ACTR2: variants seen among roughly 807,000 people sequenced by gnomAD.
ACTR2 encodes actin-related protein 2.
ACTR2 carries 5 observed loss-of-function variants against 50.2 expected under a neutral mutation model. The observed-to-expected ratio is 0.10, with a 90% CI of 0.05 to 0.21. ACTR2 has a LOEUF of 0.21. Ranked by LOEUF, ACTR2 falls within the 10% of genes least tolerant of loss-of-function variation. The pLI is 1.00. For missense variants in ACTR2, 180 were observed against 480.6 expected (o/e 0.37, Z 5.85); for synonymous variants, 140 against 162.9 (o/e 0.86, Z 1.07).
At chr2:65,251,601 T>G (rs1291351928) in intron 4 of ACTR2, among the ~76,000 whole-genome samples, 1 of 152,132 alleles carries the variant, frequency 6.6e-6, no homozygotes, top group East Asian at 1.9e-4. Context: ...CCTCAGGTAG[T>G]CCGCCCGCCT....
chr2:65,228,865 G>A (rs1000383291), intron 1 of ACTR2, among the ~76,000 whole-genome samples: 9 of 152,122 alleles, frequency 5.9e-5, no homozygotes, highest in African/African-American at 2.2e-4. Flanking sequence ...GATCACCAGA[G>A]GTTAGGAGTT....
rs116492983 is a variant in ACTR2, at chr2:65,263,047, T to A, written c.881+1655T>A. ...CATATTTTTATATGTTTAAGGGACT[T>A]GTTTGTTTGTTTGAGATAGAGTCTC... On this transcript the variant is annotated intron_variant, in intron 7 of 8. Coordinates refer to ENST00000260641, the MANE Select transcript of ACTR2 (RefSeq NM_005722.4). Among the ~76,000 whole-genome samples the A allele has an allele frequency of 5.1e-3, 770 of 149,958 alleles. 9 individuals are homozygous for A. Among genetic ancestry groups the A allele is most frequent in the African/African-American group, 0.018 (738 of 40,464 alleles).
intron 2 of ACTR2, among the ~76,000 whole-genome samples, chr2:65,244,578 C>T (rs998637201): frequency 1.3e-5 from 2 of 152,180 alleles, no homozygotes; most frequent in African/African-American, 4.8e-5. Context: ...ATACTTCTCC[C>T]TGAATACTTC....
intron 7 of ACTR2, 84 bp downstream of exon 7, chr2:65,261,476 A>G: frequency 8.1e-7 from 1 of 1,230,408 alleles, no homozygotes; most frequent in Non-Finnish European, 1.1e-6. Context: ...AAATAGATGG[A>G]ATTAAATAGA....
chr2:65,246,538 T>G lies in ACTR2; in HGVS notation c.174T>G (p.Gly58=). Residue 58 remains glycine, a synonymous_variant, in exon 3 of 9, where the codon GGT becomes GGG. Transcript: ENST00000260641. ...GNIEIKDLMV[G]DEASELRSML... ...TAATTTTCTAGGATCTTATGGTTGGTGATGAGGCAAGTGAATTACGATCAA... is the reference window on the plus strand; with the variant it reads ...TAATTTTCTAGGATCTTATGGTTGGGGATGAGGCAAGTGAATTACGATCAA... 1 of 1,604,706 alleles carries G rather than the reference T, an allele frequency of 6.2e-7. No individual in the cohort carries two copies. The highest frequency in any genetic ancestry group is 8.5e-7 in the Non-Finnish European group (1 of 1,176,486).
chr2:65,230,403 ATTTTT>A (rs11299935), intron 1 of ACTR2, among the ~76,000 whole-genome samples: 1 of 78,172 alleles, frequency 1.3e-5, no homozygotes, highest in South Asian at 4.1e-4. Context: ...ACCGAAGCTG[ATTTTT>A]TTTTTTTTTT....
chr2:65,262,348 G>C (rs1412220612), intron 7 of ACTR2, among the ~76,000 whole-genome samples: 2 of 151,614 alleles, frequency 1.3e-5, no homozygotes, highest in Admixed American at 6.6e-5. Context: ...TCCTGCCTCA[G>C]CCTCCCAAGT....
At chr2:65,251,485 C>T (rs889456501) in intron 4 of ACTR2, among the ~76,000 whole-genome samples, 2 of 152,152 alleles carry the variant, frequency 1.3e-5, no homozygotes, top group Non-Finnish European at 2.9e-5. Context: ...CCTCAGCCTC[C>T]CAAGTATTTG....
At chr2:65,243,472 G>T (rs1380987603) in intron 2 of ACTR2, among the ~76,000 whole-genome samples, 1 of 151,982 alleles carries the variant, frequency 6.6e-6, no homozygotes, top group East Asian at 1.9e-4. Flanking sequence ...TCTATAGAAA[G>T]TTTTTTAAAA....
chr2:65,271,028 G>T lies in ACTR2; in HGVS notation c.*2294G>T, dbSNP rs1368380463. ...GAATTGCCAATACTTCTACATTTGA[G>T]AAGGGTTTTTTTAGAAATACATTTA... is the stretch of plus-strand genomic sequence containing the variant. On this transcript the variant is annotated 3_prime_UTR_variant, in exon 9 of 9. Transcript: ENST00000260641. The T allele has an allele frequency of 1.3e-5, 2 of 152,066 alleles. No homozygotes were observed. The highest frequency in any genetic ancestry group is 4.8e-5 in the African/African-American group (2 of 41,428). The allele number at this position is 152,066 out of a possible 1,614,324, so 9.4% of individuals were successfully genotyped here.
intron 6 of ACTR2, among the ~76,000 whole-genome samples, chr2:65,258,374 A>G (rs1225035355): frequency 1.3e-5 from 2 of 152,082 alleles, no homozygotes; most frequent in Admixed American, 6.6e-5. Context: ...CCAGGAGTTC[A>G]TGGCCAGCCT....
chr2:65,266,446 A>G (rs902186314), intron 8 of ACTR2, among the ~76,000 whole-genome samples: 3 of 152,038 alleles, frequency 2.0e-5, no homozygotes, highest in South Asian at 2.1e-4. Context: ...AGAGTGAGCA[A>G]GGGAGGGGGG....
intron 3 of ACTR2, 32 bp downstream of exon 3, chr2:65,246,771 A>G: frequency 2.8e-6 from 4 of 1,410,368 alleles, no homozygotes; most frequent in Non-Finnish European, 3.9e-6. Flanking sequence ...GCATATGTGT[A>G]TTTCTGTGAT....
chr2:65,256,171 A>G (rs1672145434), intron 6 of ACTR2, among the ~76,000 whole-genome samples: 1 of 152,188 alleles, frequency 6.6e-6, no homozygotes, highest in African/African-American at 2.4e-5. Context: ...ATGCTCTAGG[A>G]CTTTTCAGAA....
At chr2:65,263,458 C>G (rs1672314556) in intron 7 of ACTR2, among the ~76,000 whole-genome samples, 1 of 152,126 alleles carries the variant, frequency 6.6e-6, no homozygotes, top group South Asian at 2.1e-4. Context: ...AATCCCTTCT[C>G]TACACTCAGG....
chr2:65,255,225 A>G (rs374635959), intron 5 of ACTR2, among the ~76,000 whole-genome samples: 23 of 152,202 alleles, frequency 1.5e-4, no homozygotes, highest in East Asian at 9.6e-4. Flanking sequence ...GTACTAAAAT[A>G]ATATTTATTC....
At chr2:65,237,588 T>C (rs928687085) in intron 1 of ACTR2, among the ~76,000 whole-genome samples, 3 of 152,148 alleles carry the variant, frequency 2.0e-5, no homozygotes, top group African/African-American at 7.2e-5. Flanking sequence ...CAGTGGCTCA[T>C]GTCTGTAATC....
At chr2:65,253,918 T>C (rs1225350580) in intron 5 of ACTR2, 54 bp downstream of exon 5, 2 of 1,487,374 alleles carry the variant, frequency 1.3e-6, no homozygotes, top group Non-Finnish European at 1.9e-6. Context: ...GTTTACCACC[T>C]TAACACAGAA....
chr2:65,241,756 C>G (rs547845016), intron 2 of ACTR2, among the ~76,000 whole-genome samples: 11 of 152,146 alleles, frequency 7.2e-5, no homozygotes, highest in Non-Finnish European at 1.2e-4. Context: ...TTTGGAATTC[C>G]TGTGCTTAGT....
Sources: gnomAD v4.1 joint callset for allele counts (sites outside exome capture counted in the v4.1 genomes callset) on GRCh38, gnomAD v4.1.1 for gene constraint, MANE v1.5 for transcripts, NCBI Gene and HGNC (gene_info 2026-07-23, HGNC 2026-07-21) for gene names.